The following CNTNAP4 variants were observed in gnomAD, a reference collection of about 807,000 sequenced individuals.
CNTNAP4 encodes the protein contactin associated protein family member 4, also known as contactin-associated protein-like 4.
In CNTNAP4, 98 loss-of-function variants were observed where a neutral mutation model predicts 148.4. The ratio of observed to expected loss-of-function variants is 0.66; its 90% CI spans 0.56 to 0.78. The LOEUF (loss-of-function observed/expected upper bound fraction) is 0.78, where lower values mean the gene tolerates loss of function less well. Among genes scored for constraint, CNTNAP4 ranks in the 30% least tolerant of loss-of-function variants. The pLI, the probability that CNTNAP4 is intolerant of heterozygous loss-of-function variation, is 0.00. For synonymous variants in CNTNAP4, 730 were observed against 565.1 expected (o/e 1.29, Z -4.14); for missense variants, 1,935 against 1,565.6 (o/e 1.24, Z -3.98).
At chr16:76,381,923 G>A (rs985655427) in intron 3 of CNTNAP4, among the ~76,000 whole-genome samples, 2 of 152,012 alleles carry the variant, frequency 1.3e-5, no homozygotes, top group Non-Finnish European at 2.9e-5. Context: ...GCTGGGCGTG[G>A]TGGTGGGTGC....
chr16:76,499,835 T>G (rs1260519347), intron 15 of CNTNAP4, among the ~76,000 whole-genome samples: 2 of 152,046 alleles, frequency 1.3e-5, no homozygotes, highest in African/African-American at 2.4e-5. Context: ...ATTTAACCCT[T>G]AGTGGACACA....
chr16:76,455,133 T>C (rs1193285810), intron 8 of CNTNAP4, among the ~76,000 whole-genome samples: 1 of 152,222 alleles, frequency 6.6e-6, no homozygotes, highest in African/African-American at 2.4e-5. Flanking sequence ...TTAGCATCAC[T>C]ATAAAATCCC....
At chr16:76,462,321 T>G (rs1194996805) in intron 9 of CNTNAP4, among the ~76,000 whole-genome samples, 2 of 152,150 alleles carry the variant, frequency 1.3e-5, no homozygotes, top group East Asian at 1.9e-4. Flanking sequence ...AGTTTCTTGA[T>G]GAGATTGATT....
intron 3 of CNTNAP4, among the ~76,000 whole-genome samples, chr16:76,375,403 C>A (rs1167317755): frequency 6.6e-6 from 1 of 152,166 alleles, no homozygotes; most frequent in East Asian, 1.9e-4. Context: ...GCCTAGGTGA[C>A]AGAGCAAGGC....
At chr16:76,516,610 T>A (rs562597350) in intron 15 of CNTNAP4, among the ~76,000 whole-genome samples, 1 of 152,332 alleles carries the variant, frequency 6.6e-6, no homozygotes, top group East Asian at 1.9e-4. Context: ...TGTACACAGA[T>A]GTTGACAAAA....
At position 76,352,875 on chromosome 16, in the gene CNTNAP4, G is replaced by A. The variant is rs116116307; in HGVS notation, c.197-2443G>A. ...TTCAGATCATTCAAGAACACATTCC[G>A]TATAAATAACAGTCTGCAAGGGTAG... On this transcript the variant is annotated intron_variant, in intron 2 of 23. Transcript: ENST00000611870. 5.0e-3 allele frequency among the ~76,000 whole-genome samples: 764 copies of A among 152,190 alleles called. 7 individuals carry two copies. The highest frequency in any genetic ancestry group is 0.016 in the African/African-American group (684 of 41,530).
chr16:76,346,985 A>C (rs1419658063), intron 2 of CNTNAP4, among the ~76,000 whole-genome samples: 1 of 152,232 alleles, frequency 6.6e-6, no homozygotes, highest in African/African-American at 2.4e-5. Flanking sequence ...AAGACAATTT[A>C]GTGAGGTATT....
chr16:76,314,290 C>G (rs1163828608), intron 1 of CNTNAP4, among the ~76,000 whole-genome samples: 1 of 152,060 alleles, frequency 6.6e-6, no homozygotes, highest in African/African-American at 2.4e-5. Context: ...TTGAATCTTG[C>G]GAAAGAAAGC....
chr16:76,556,634 C>A (rs561228492), intron 23 of CNTNAP4, among the ~76,000 whole-genome samples: 2 of 152,328 alleles, frequency 1.3e-5, no homozygotes, highest in African/African-American at 2.4e-5. Flanking sequence ...AGGCCTATAA[C>A]TAGCCTGTAG....
At chr16:76,435,068 G>A (rs1250451716) in intron 4 of CNTNAP4, among the ~76,000 whole-genome samples, 1 of 152,128 alleles carries the variant, frequency 6.6e-6, no homozygotes, top group East Asian at 1.9e-4. Context: ...CCTCGGGGAA[G>A]GATAGGAGAA....
chr16:76,492,469 T>C (rs911263988), intron 13 of CNTNAP4, among the ~76,000 whole-genome samples: 2 of 152,180 alleles, frequency 1.3e-5, no homozygotes, highest in African/African-American at 4.8e-5. Flanking sequence ...GAAGTCAAGC[T>C]GTAACAGAAC....
chr16:76,443,274 T>C (rs2080113154), intron 4 of CNTNAP4, among the ~76,000 whole-genome samples: 1 of 152,182 alleles, frequency 6.6e-6, no homozygotes, highest in Non-Finnish European at 1.5e-5. Flanking sequence ...GTAGGCCTTT[T>C]ACTGTTACAA....
chr16:76,329,155 T>C (rs1377429041), intron 2 of CNTNAP4, among the ~76,000 whole-genome samples: 1 of 152,194 alleles, frequency 6.6e-6, no homozygotes. Flanking sequence ...TAAAAACTCA[T>C]TTGAGAAGGA....
intron 3 of CNTNAP4, among the ~76,000 whole-genome samples, chr16:76,357,346 T>G (rs4595825): frequency 6.6e-6 from 1 of 152,118 alleles, no homozygotes; most frequent in Non-Finnish European, 1.5e-5. Flanking sequence ...AGGAAAATTG[T>G]TGTACTTCTG....
chr16:76,391,214 G>C (rs2016962047), intron 3 of CNTNAP4, among the ~76,000 whole-genome samples: 1 of 152,140 alleles, frequency 6.6e-6, no homozygotes, highest in African/African-American at 2.4e-5. Context: ...GCTGGCCAAA[G>C]TGTAAAGATT....
chr16:76,408,381 C>A lies in CNTNAP4; in HGVS notation c.391-19071C>A, dbSNP rs150059330. On this transcript the variant is annotated intron_variant, in intron 3 of 23. Transcript: ENST00000611870. ...CAATTAACAGTTGTTAATCTATTAA[C>A]AATTAACAGTTGTTAATCTATTAAC... 8.4e-3 allele frequency among the ~76,000 whole-genome samples: 1,223 copies of A among 146,334 alleles called. 19 individuals are homozygous for A. Among genetic ancestry groups the A allele is most frequent in the East Asian group, 0.028 (135 of 4,880 alleles).
chr16:76,407,948 C>A (rs2078653841), intron 3 of CNTNAP4, among the ~76,000 whole-genome samples: 1 of 151,860 alleles, frequency 6.6e-6, no homozygotes, highest in Non-Finnish European at 1.5e-5. Flanking sequence ...CCACAGTCAC[C>A]CCAACCTTCA....
intron 12 of CNTNAP4, among the ~76,000 whole-genome samples, chr16:76,480,496 A>C (rs1315182981): frequency 6.6e-6 from 1 of 152,202 alleles, no homozygotes; most frequent in Non-Finnish European, 1.5e-5. Flanking sequence ...CTGTAATCCC[A>C]GCACTTTGGG....
At chr16:76,401,970 C>T (rs1337872041) in intron 3 of CNTNAP4, among the ~76,000 whole-genome samples, 3 of 152,072 alleles carry the variant, frequency 2.0e-5, no homozygotes, top group African/African-American at 7.2e-5. Context: ...ATTTTTGTAT[C>T]AGTGTTCATC....
Sources: gnomAD v4.1 joint callset for allele counts (sites outside exome capture counted in the v4.1 genomes callset) on GRCh38, gnomAD v4.1.1 for gene constraint, MANE v1.5 for transcripts, NCBI Gene and HGNC (gene_info 2026-07-23, HGNC 2026-07-21) for gene names.